The following BCOR variants were observed in gnomAD, a reference collection of about 807,000 sequenced individuals.
BCOR encodes the protein BCL-6 corepressor.
A neutral mutation model predicts 86.7 loss-of-function variants in BCOR; 10 were observed. The ratio of observed to expected loss-of-function variants is 0.12; its 90% CI spans 0.07 to 0.20. The LOEUF (loss-of-function observed/expected upper bound fraction) is 0.20, where lower values mean the gene tolerates loss of function less well. Among genes scored for constraint, BCOR ranks in the 10% least tolerant of loss-of-function variants. The pLI is 1.00. For missense variants in BCOR, 1,259 were observed against 1,452.1 expected, an observed-to-expected ratio of 0.87 and a Z score of 2.16; for synonymous variants, 611 against 609.0, an observed-to-expected ratio of 1.00 and a Z score of -0.05.
chrX:40,113,993 G>A (rs529433971), intron 1 of BCOR, among the ~76,000 whole-genome samples: 5 of 110,721 alleles, frequency 4.5e-5, no homozygotes, highest in African/African-American at 1.3e-4. Flanking sequence ...TACTTTTTGT[G>A]TTTTTAGTAG....
chrX:40,058,967 G>A (rs950074964), intron 10 of BCOR, among the ~76,000 whole-genome samples: 7 of 111,905 alleles, frequency 6.3e-5, no homozygotes, highest in African/African-American at 1.3e-4. Flanking sequence ...AGCTCTAAGC[G>A]CCACCGACTG....
chrX:40,126,402 G>A (rs1165106488), intron 1 of BCOR, among the ~76,000 whole-genome samples: 8 of 108,149 alleles, frequency 7.4e-5, no homozygotes, highest in African/African-American at 2.7e-4. Context: ...GTGCATGCCT[G>A]TAATCCCAGC....
intron 6 of BCOR, among the ~76,000 whole-genome samples, chrX:40,066,799 T>G (rs1935222043): frequency 9.0e-6 from 1 of 110,631 alleles, no homozygotes; most frequent in South Asian, 3.9e-4. Flanking sequence ...CCAAGTGGTT[T>G]GAAAGCAGAG....
chrX:40,083,188 C>T (rs1372760010), intron 1 of BCOR, among the ~76,000 whole-genome samples: 1 of 110,849 alleles, frequency 9.0e-6, no homozygotes, highest in African/African-American at 3.3e-5. Flanking sequence ...ATGGGTCCTC[C>T]GGGTCTGCTG....
chrX:40,062,956 C>T lies in BCOR; in HGVS notation c.3963G>A (p.Gln1321=). ...TCTTCTGGTTTTCTTTAATTTTCTGCTGTTTGGCAGGCGGCCTGGAGGCTG... is the reference window on the plus strand; with the variant it reads ...TCTTCTGGTTTTCTTTAATTTTCTGTTGTTTGGCAGGCGGCCTGGAGGCTG... The part of the protein sequence containing the change: ...CAPASRPPAK[Q]QKIKENQKTD... Residue 1321 remains glutamine, a synonymous_variant, in exon 9 of 15, where the codon CAG becomes CAA. Transcript: ENST00000378444. 7.5e-6 allele frequency: 9 copies of T among 1,196,282 alleles called. No homozygotes were observed. The highest frequency in any genetic ancestry group is 1.0e-5 in the Non-Finnish European group (9 of 886,955).
At chrX:40,067,638 C>T (rs1350916526) in intron 6 of BCOR, among the ~76,000 whole-genome samples, 1 of 111,707 alleles carries the variant, frequency 9.0e-6, no homozygotes, top group Non-Finnish European at 1.9e-5. Context: ...GAGATCTTTC[C>T]GCAAATGAGG....
At chrX:40,140,975 G>A (rs1001253756) in intron 1 of BCOR, among the ~76,000 whole-genome samples, 3 of 112,878 alleles carry the variant, frequency 2.7e-5, no homozygotes, top group African/African-American at 9.7e-5. Context: ...GGGGCTGGGG[G>A]ATCCCCGTCT....
intron 1 of BCOR, among the ~76,000 whole-genome samples, chrX:40,085,973 TTGA>T (rs1314719498): frequency 1.8e-5 from 2 of 112,017 alleles, no homozygotes; most frequent in Non-Finnish European, 3.8e-5. Context: ...GGGCATCTAG[TTGA>T]TGAAGTCAGA....
chrX:40,072,110 G>C, intron 4 of BCOR: 1 of 435,124 alleles, frequency 2.3e-6, no homozygotes, highest in East Asian at 3.8e-5. Flanking sequence ...TAAAACATCG[G>C]TTATCAGCAA....
intron 1 of BCOR, among the ~76,000 whole-genome samples, chrX:40,126,465 C>T (rs1298267063): frequency 9.3e-6 from 1 of 107,516 alleles, no homozygotes; most frequent in African/African-American, 3.4e-5. Context: ...GCAGAGGTTG[C>T]AGTGAGCCGA....
chrX:40,061,277 A>G (rs887439129), intron 10 of BCOR, among the ~76,000 whole-genome samples: 12 of 111,783 alleles, frequency 1.1e-4, no homozygotes, highest in African/African-American at 3.9e-4. Flanking sequence ...TAGGTTTTGA[A>G]CTGTGAAAAG....
chrX:40,058,080 C>G (rs1211528523), intron 10 of BCOR, among the ~76,000 whole-genome samples: 1 of 112,408 alleles, frequency 8.9e-6, no homozygotes, highest in East Asian at 2.8e-4. Context: ...ATCTAATACA[C>G]CACATACCAC....
At chrX:40,096,024 T>A (rs1936848080) in intron 1 of BCOR, among the ~76,000 whole-genome samples, 1 of 112,215 alleles carries the variant, frequency 8.9e-6, no homozygotes, top group Non-Finnish European at 1.9e-5. Flanking sequence ...CAGGCGCTCG[T>A]CACCGCCGCC....
At chrX:40,063,563 C>G (rs1331254495) in intron 8 of BCOR, 45 bp downstream of exon 8, 1 of 1,098,162 alleles carries the variant, frequency 9.1e-7, no homozygotes, top group Admixed American at 2.2e-5. Context: ...GGATGACCCA[C>G]CCTCCAGGAG....
At chrX:40,105,235 A>G (rs1937153797) in intron 1 of BCOR, among the ~76,000 whole-genome samples, 1 of 110,693 alleles carries the variant, frequency 9.0e-6, no homozygotes, top group Non-Finnish European at 1.9e-5. Context: ...TCCCAGCGCA[A>G]GCCGAAAGCG....
chrX:40,081,825 G>T (rs1039678651), intron 1 of BCOR, among the ~76,000 whole-genome samples: 37 of 112,396 alleles, frequency 3.3e-4, no homozygotes, highest in Admixed American at 2.7e-3. Context: ...GTCAGATGGG[G>T]AGGGTGTGGG....
At chrX:40,065,495 T>C (rs1018002123) in intron 6 of BCOR, among the ~76,000 whole-genome samples, 2 of 112,076 alleles carry the variant, frequency 1.8e-5, no homozygotes, top group Admixed American at 9.4e-5. Flanking sequence ...GTCCTTCCCA[T>C]GCCAGGCCAG....
chrX:40,073,651 G>A lies in BCOR; in HGVS notation c.1695C>T (p.Gly565=), dbSNP rs2147236374. Residue 565 remains glycine, a synonymous_variant, in exon 4 of 15, where the codon GGC becomes GGT. Transcript: ENST00000378444. ...TNVSGSVSSA[G]RPASASPAPN... ...GGGCGGGTGATGCGGAGGCTGGGCG[G>A]CCTGCACTCGACACTGACCCTGAAA... 8.2e-7 allele frequency: 1 copy of A among 1,212,359 alleles called. No homozygotes were observed.
intron 1 of BCOR, among the ~76,000 whole-genome samples, chrX:40,151,753 T>G (rs886835693): frequency 9.0e-6 from 1 of 111,583 alleles, no homozygotes; most frequent in Non-Finnish European, 1.9e-5. Flanking sequence ...TCCAATTAGC[T>G]GAGCCAACTG....
Sources: allele counts gnomAD v4.1 joint callset (sites outside exome capture counted in the v4.1 genomes callset), GRCh38; gene constraint gnomAD v4.1.1; transcripts MANE v1.5; gene names NCBI Gene and HGNC (gene_info 2026-07-23, HGNC 2026-07-21).